CHLSN: variants seen among roughly 807,000 people sequenced by gnomAD.
The protein encoded by CHLSN is protein cholesin.
chr7:997,094 G>A, the CHLSN span: 1 of 152,712 alleles, frequency 6.5e-6, no homozygotes, highest in East Asian at 1.9e-4. Context: ...TCCCACCAGG[G>A]GCTCCCCATG....
chr7:1,017,460 G>A, the CHLSN span, among the ~76,000 whole-genome samples: 1 of 152,200 alleles, frequency 6.6e-6, no homozygotes, highest in African/African-American at 2.4e-5. Flanking sequence ...GGCAGGCGCT[G>A]CTGTCCTACG....
chr7:1,058,016 C>G, the CHLSN span: 4 of 769,846 alleles, frequency 5.2e-6, no homozygotes, highest in African/African-American at 6.8e-5. Context: ...TCTTCTACAT[C>G]TGCAGCCATG....
chr7:1,070,972 G>A, the CHLSN span, among the ~76,000 whole-genome samples: 7 of 145,942 alleles, frequency 4.8e-5, no homozygotes, highest in Non-Finnish European at 1.1e-4. Context: ...ACGCACACGG[G>A]CACATGCACA....
chr7:980,763 C>T, the CHLSN span, among the ~76,000 whole-genome samples: 1 of 148,946 alleles, frequency 6.7e-6, no homozygotes, highest in Non-Finnish European at 1.5e-5. Flanking sequence ...TCTCAGCTCA[C>T]TGCAAGCTCC....
At chr7:1,035,004 A>C in the CHLSN span, among the ~76,000 whole-genome samples, 8 of 152,354 alleles carry the variant, frequency 5.3e-5, no homozygotes, top group African/African-American at 1.9e-4. Context: ...ATAGTATTCC[A>C]TGGTGTATAT....
chr7:999,327 G>A, the CHLSN span, among the ~76,000 whole-genome samples: 5 of 152,374 alleles, frequency 3.3e-5, no homozygotes, highest in East Asian at 5.8e-4. Flanking sequence ...CAGCTGCGCC[G>A]GGCGTGAGGG....
At chr7:1,055,505 A>G in the CHLSN span, 1 of 452,364 alleles carries the variant, frequency 2.2e-6, no homozygotes, top group African/African-American at 2.0e-5. Flanking sequence ...TGGTGCCCGC[A>G]GGTGGGAGAG....
the CHLSN span, chr7:1,025,606 G>C: frequency 6.6e-6 from 1 of 152,202 alleles, no homozygotes; most frequent in Non-Finnish European, 1.5e-5. Flanking sequence ...GTATTCTGAG[G>C]TCGCAGAGCA....
At chr7:1,105,520 TGAC>T in the CHLSN span, among the ~76,000 whole-genome samples, 1 of 152,316 alleles carries the variant, frequency 6.6e-6, no homozygotes, top group East Asian at 1.9e-4. Flanking sequence ...ATTACTGTGG[TGAC>T]ACTATGTGCA....
At chr7:1,023,959 G>C in the CHLSN span, among the ~76,000 whole-genome samples, 1 of 151,500 alleles carries the variant, frequency 6.6e-6, no homozygotes, top group Non-Finnish European at 1.5e-5. The surrounding 1 kb of genome is among the most constrained non-coding windows in gnomAD (Gnocchi z 5.0). Flanking sequence ...TCCCACCTCA[G>C]CCTCCCAAGC....
chr7:1,014,143 C>T, the CHLSN span, among the ~76,000 whole-genome samples: 1 of 152,192 alleles, frequency 6.6e-6, no homozygotes, highest in Non-Finnish European at 1.5e-5. Flanking sequence ...TGAAAATGTT[C>T]ACTGTACTCA....
chr7:1,015,200 G>T, the CHLSN span, among the ~76,000 whole-genome samples: 1 of 152,150 alleles, frequency 6.6e-6, no homozygotes, highest in Non-Finnish European at 1.5e-5. Context: ...AAATTGTTTG[G>T]GGGGGCTGAG....
the CHLSN span, among the ~76,000 whole-genome samples, chr7:1,136,421 A>T: frequency 3.4e-5 from 4 of 116,234 alleles, no homozygotes; most frequent in African/African-American, 1.1e-4. Context: ...CATATATATA[A>T]ATATATATAA....
the CHLSN span, among the ~76,000 whole-genome samples, chr7:1,116,575 C>G: frequency 7.2e-5 from 6 of 83,198 alleles, no homozygotes; most frequent in Admixed American, 1.2e-4. Context: ...ATGATGACAT[C>G]ACTACAGTTC....
At chr7:1,073,623 C>T in the CHLSN span, among the ~76,000 whole-genome samples, 1 of 152,074 alleles carries the variant, frequency 6.6e-6, no homozygotes, top group East Asian at 1.9e-4. Flanking sequence ...TTGAAAGTCG[C>T]CTGTTCAAAG....
the CHLSN span, chr7:987,103 G>T: frequency 6.5e-7 from 1 of 1,537,990 alleles, no homozygotes. Context: ...CCACGCCTCT[G>T]CAGGGGGATG....
the CHLSN span, among the ~76,000 whole-genome samples, chr7:1,027,319 G>C: frequency 6.6e-6 from 1 of 152,244 alleles, no homozygotes. Flanking sequence ...CGCCGTCTCT[G>C]CAGCCGTGAG....
At chr7:1,002,811 TG>T in the CHLSN span, among the ~76,000 whole-genome samples, 1 of 42,122 alleles carries the variant, frequency 2.4e-5, no homozygotes, top group African/African-American at 1.0e-4. Flanking sequence ...GTCCTGTGGG[TG>T]GGGAGTCCTG....
the CHLSN span, among the ~76,000 whole-genome samples, chr7:1,136,621 TA>T: frequency 1.4e-5 from 2 of 143,932 alleles, no homozygotes; most frequent in Non-Finnish European, 3.0e-5. Context: ...TATAAATATA[TA>T]AAAATAAATA....
Sources: gnomAD v4.1 joint callset for allele counts (sites outside exome capture counted in the v4.1 genomes callset) on GRCh38, gnomAD v4.1.1 for gene constraint, Gnocchi (gnomAD v3.1) non-coding constraint, MANE v1.5 for transcripts, NCBI Gene and HGNC (gene_info 2026-07-23, HGNC 2026-07-21) for gene names.